VGLL4: variants seen among roughly 807,000 people sequenced by gnomAD.
VGLL4 encodes the protein vestigial like family member 4, also known as transcription cofactor vestigial-like protein 4.
A neutral mutation model predicts 21.0 loss-of-function variants in VGLL4; 7 were observed. The ratio of observed to expected loss-of-function variants is 0.33; its 90% CI spans 0.19 to 0.63. VGLL4 has a LOEUF of 0.63. Among genes scored for constraint, VGLL4 ranks in the 20% least tolerant of loss-of-function variants. The probability of loss-of-function intolerance (pLI) is 0.78; values close to 1 mark genes in which losing one functional copy is unlikely to be tolerated. For synonymous variants in VGLL4, 222 were observed against 173.2 expected (o/e 1.28, Z -2.21); for missense variants, 394 against 425.7 (o/e 0.93, Z 0.66).
intron 2 of VGLL4, among the ~76,000 whole-genome samples, chr3:11,685,372 TA>T (rs1008178400): frequency 2.0e-5 from 3 of 152,156 alleles, no homozygotes; most frequent in Non-Finnish European, 4.4e-5. Context: ...CTAATTTTTG[TA>T]TTTTTAGTGG....
In VGLL4 at chr3:11,669,211, T is replaced by C. The variant is rs2076170640; in HGVS notation, c.64+33760A>G. Reference sequence around the variant, plus strand: ...GATAGAATTTTGGCAGTGTTCAAAATGCTTCCTTTGGAAATCTTTAAATTT... The same window carrying C: ...GATAGAATTTTGGCAGTGTTCAAAACGCTTCCTTTGGAAATCTTTAAATTT... On this transcript the variant is annotated intron_variant, in intron 2 of 5. Transcript: ENST00000273038. Among the ~76,000 whole-genome samples, 3 of 152,208 alleles carry C rather than the reference T, an allele frequency of 2.0e-5. No homozygotes were observed. In the South Asian group the frequency reaches 6.2e-4, roughly 31 times the overall value.
intron 1 of VGLL4, among the ~76,000 whole-genome samples, chr3:11,643,088 A>G (rs1197159936): frequency 6.6e-6 from 1 of 152,214 alleles, no homozygotes; most frequent in Non-Finnish European, 1.5e-5. Flanking sequence ...AAAGAGGCTC[A>G]ACTTTTACCG....
chr3:11,621,633 T>C (rs987657704), intron 1 of VGLL4, among the ~76,000 whole-genome samples: 1 of 152,236 alleles, frequency 6.6e-6, no homozygotes, highest in African/African-American at 2.4e-5. Flanking sequence ...TATGGACATT[T>C]GTGGACAGAT....
At chr3:11,711,389 C>T (rs577418279) in intron 1 of VGLL4, among the ~76,000 whole-genome samples, 3 of 152,018 alleles carry the variant, frequency 2.0e-5, no homozygotes, top group South Asian at 4.2e-4. Context: ...ATGGTGAAAC[C>T]CCATCTCGAC....
At chr3:11,673,560 T>C (rs2125370924) in intron 2 of VGLL4, among the ~76,000 whole-genome samples, 1 of 152,258 alleles carries the variant, frequency 6.6e-6, no homozygotes, top group South Asian at 2.1e-4. Context: ...CCCCCAGGAA[T>C]GAGTTTCTAG....
intron 2 of VGLL4, among the ~76,000 whole-genome samples, chr3:11,570,318 A>T (rs765731275): frequency 1.3e-5 from 2 of 151,618 alleles, no homozygotes; most frequent in Non-Finnish European, 2.9e-5. Flanking sequence ...ATTTCCACCC[A>T]CCTTCCTGCC....
At position 11,557,730 on chromosome 3, in the gene VGLL4, C is replaced by T. The variant is rs553493518; in HGVS notation, c.*826G>A. 4.6e-5 allele frequency: 7 copies of T among 152,712 alleles called. No individual in the cohort carries two copies. Among genetic ancestry groups the T allele is most frequent in the African/African-American group, 1.7e-4 (7 of 41,514 alleles). 9.5% of individuals were successfully genotyped at this position (152,712 alleles called of 1,614,324 possible). On this transcript the variant is annotated 3_prime_UTR_variant, in exon 5 of 5. Coordinates refer to ENST00000430365, the MANE Select transcript of VGLL4 (RefSeq NM_001128219.3). ...TTAATAGAAACCAGCTATTTTTTCT[C>T]CATTAAAACATGCATCACGTTTAAA...
upstream of VGLL4, chr3:11,644,013 G>C (rs1006455035): frequency 3.0e-6 from 3 of 983,800 alleles, no homozygotes; most frequent in Middle Eastern, 1.0e-3. Context: ...TTCTGCACAG[G>C]ATCAGCCTCT....
intron 2 of VGLL4, among the ~76,000 whole-genome samples, chr3:11,571,421 C>T (rs746995327): frequency 2.6e-5 from 4 of 152,222 alleles, no homozygotes; most frequent in Non-Finnish European, 4.4e-5. Context: ...CAGTGACTCA[C>T]GCCTGTAATC....
At chr3:11,573,283 GAAAGAAAGAAAGAAAGA>G (rs2073878050) in intron 2 of VGLL4, among the ~76,000 whole-genome samples, 1 of 13,504 alleles carries the variant, frequency 7.4e-5, no homozygotes, top group East Asian at 2.0e-3. Context: ...AAGAAAGAAA[GAAAGAAAGAAAGAAAGA>G]AAGAAAGGAA....
chr3:11,644,220 G>C (rs2075751805), upstream of VGLL4, among the ~76,000 whole-genome samples: 1 of 152,186 alleles, frequency 6.6e-6, no homozygotes, highest in Non-Finnish European at 1.5e-5. Context: ...AACTCCCATG[G>C]AATGCAACTT....
rs539080936 is a variant in VGLL4, at chr3:11,561,010, G to C, written c.496-1555C>G. ...AGCAGCAGCAAGAGAGCAGAATACC[G>C]AGACCTGGACACGCACAGAGCCAGG... On this transcript the variant is annotated intron_variant, in intron 3 of 4. Transcript: ENST00000430365. Among the ~76,000 whole-genome samples, 6 of 152,110 alleles carry C rather than the reference G, an allele frequency of 3.9e-5. No individual in the cohort carries two copies. The South Asian group carries it at 1.2e-3, about 32-fold the overall frequency.
intron 2 of VGLL4, among the ~76,000 whole-genome samples, chr3:11,652,954 C>T (rs771553720): frequency 6.6e-6 from 1 of 152,186 alleles, no homozygotes; most frequent in Non-Finnish European, 1.5e-5. Context: ...ACAATTAAAA[C>T]GCTATTCTGA....
intron 1 of VGLL4, among the ~76,000 whole-genome samples, chr3:11,718,253 G>T (rs1559962064): frequency 6.6e-6 from 1 of 152,222 alleles, no homozygotes; most frequent in Non-Finnish European, 1.5e-5. Flanking sequence ...TTTCAGGCCA[G>T]ATGTAACAGG....
chr3:11,673,967 G>A (rs561127289), intron 2 of VGLL4, among the ~76,000 whole-genome samples: 18 of 141,362 alleles, frequency 1.3e-4, no homozygotes, highest in South Asian at 6.6e-4. Flanking sequence ...AGCTGAGATC[G>A]CGCCACTGCA....
At chr3:11,630,873 A>G (rs2075461516) in intron 1 of VGLL4, among the ~76,000 whole-genome samples, 1 of 152,238 alleles carries the variant, frequency 6.6e-6, no homozygotes, top group East Asian at 1.9e-4. Flanking sequence ...ACTGTACAAC[A>G]AAGTGTACCT....
Position 11,564,896 on chromosome 3 carries a change from G to T in VGLL4, c.396C>A (p.Ser132Arg). ...HGSHLYTSLP[S>R]LGLEQPLALT... ...GTGCGAGGGGCTGCTCCAGGCCAAG[G>T]CTGGGGAGGGAGGTGTACAGGTGGC... The change falls in exon 3 of 5, where the codon AGC (serine) becomes AGA (arginine). Residue 132 changes from serine to arginine, a missense_variant. Coordinates refer to ENST00000430365, the MANE Select transcript of VGLL4 (RefSeq NM_001128219.3). 22 of 1,607,704 alleles carry T rather than the reference G, an allele frequency of 1.4e-5. No homozygotes were observed. The highest frequency in any genetic ancestry group is 1.9e-5 in the Non-Finnish European group (22 of 1,177,738).
intron 1 of VGLL4, among the ~76,000 whole-genome samples, chr3:11,622,726 C>A (rs562579287): frequency 6.6e-6 from 1 of 152,226 alleles, no homozygotes; most frequent in African/African-American, 2.4e-5. Flanking sequence ...ATTCTCTCTG[C>A]GCCATTAACC....
At chr3:11,690,539 C>T (rs2076511940) in intron 2 of VGLL4, among the ~76,000 whole-genome samples, 1 of 151,956 alleles carries the variant, frequency 6.6e-6, no homozygotes, top group Non-Finnish European at 1.5e-5. Flanking sequence ...TGCTAGTGAA[C>T]AGAACAGACT....
Sources: allele counts gnomAD v4.1 joint callset (sites outside exome capture counted in the v4.1 genomes callset), GRCh38; gene constraint gnomAD v4.1.1; transcripts MANE v1.5; gene names NCBI Gene and HGNC (gene_info 2026-07-23, HGNC 2026-07-21).